HAGH: variants seen among roughly 807,000 people sequenced by gnomAD.
HAGH encodes the protein hydroxyacylglutathione hydrolase.
A neutral mutation model predicts 35.1 loss-of-function variants in HAGH; 29 were observed. That is an observed-to-expected ratio of 0.83 (90% CI 0.62 to 1.13). The LOEUF (loss-of-function observed/expected upper bound fraction) is 1.13, where lower values mean the gene tolerates loss of function less well. Among genes scored for constraint, HAGH ranks in the 50% most tolerant of loss-of-function variants. The probability of loss-of-function intolerance (pLI) is 0.00; values close to 1 mark genes in which losing one functional copy is unlikely to be tolerated. For missense variants in HAGH, 478 were observed against 419.6 expected (o/e 1.14, Z -1.22); for synonymous variants, 225 against 176.1 (o/e 1.28, Z -2.20).
chr16:1,822,340 C>T lies in HAGH; in HGVS notation c.274G>A (p.Gly92Arg), dbSNP rs371060768. 52 of 1,611,684 alleles carry T rather than the reference C, an allele frequency of 3.2e-5. No homozygotes were observed. Among genetic ancestry groups the T allele is most frequent in the South Asian group, 9.9e-5 (9 of 91,052 alleles). Reference sequence around the variant, plus strand: ...GTGAGCACTGTGGTCAGTTTCACCCCGTGCTTTCTCGCCGCGTCCACGACC... The same window carrying T: ...GTGAGCACTGTGGTCAGTTTCACCCTGTGCTTTCTCGCCGCGTCCACGACC... ...QKVVDAARKH[G>R]VKLTTVLTTH... The change falls in exon 3 of 9, where the codon GGG becomes AGG. Residue 92 changes from glycine (G) to arginine (R), a missense_variant. Coordinates refer to ENST00000397356, the MANE Select transcript of HAGH (RefSeq NM_005326.6).
chr16:1,823,354 G>A (rs149159), intron 1 of HAGH, among the ~76,000 whole-genome samples: 9,581 of 149,394 alleles, frequency 0.064, 445 homozygotes, highest in Middle Eastern at 0.11. Context: ...TGCAAGCTCC[G>A]CCTCCCAGGT....
chr16:1,809,679 C>A lies in HAGH; in HGVS notation c.827+75G>T, dbSNP rs1897549578. On this transcript the variant is annotated intron_variant, in intron 8 of 8. Coordinates refer to ENST00000397356, the MANE Select transcript of HAGH (RefSeq NM_005326.6). ...AGCCTCAGCCATCTGGGGTCTCGGA[C>A]GTACCGGCTGTGTGTGCAGCAGTGG... The A allele has an allele frequency of 5.5e-6, 6 of 1,081,200 alleles. No individual in the cohort carries two copies. The East Asian group carries it at 1.4e-4, about 26-fold the overall frequency. The allele number at this position is 1,081,200 out of a possible 1,614,324, so 67.0% of individuals were successfully genotyped here.
intron 1 of HAGH, among the ~76,000 whole-genome samples, chr16:1,823,274 T>TC: frequency 1.0e-5 from 1 of 97,486 alleles, no homozygotes; most frequent in South Asian, 2.9e-4. Context: ...TTTTTTTTTT[T>TC]CTTTTTTTTT....
chr16:1,825,676 C>G (rs2142055463), intron 1 of HAGH, among the ~76,000 whole-genome samples: 1 of 152,252 alleles, frequency 6.6e-6, no homozygotes, highest in South Asian at 2.1e-4. Context: ...TGGACTCAAG[C>G]GATCCTCCCA....
chr16:1,822,618 A>G (rs1898201739), intron 2 of HAGH, among the ~76,000 whole-genome samples: 1 of 152,158 alleles, frequency 6.6e-6, no homozygotes. Context: ...CCACCCCCAG[A>G]GGCAGCATGC....
At chr16:1,827,144 GAC>G, upstream of HAGH, 1 of 1,496,516 alleles carries the variant, frequency 6.7e-7, no homozygotes, top group Non-Finnish European at 9.0e-7. Flanking sequence ...CGCTGCGGGG[GAC>G]AGCGTTCCGA....
chr16:1,819,942 A>C lies in HAGH; in HGVS notation c.387T>G (p.Arg129=), dbSNP rs1206464994. 3.7e-6 allele frequency: 6 copies of C among 1,613,040 alleles called. No homozygotes were observed. Among genetic ancestry groups the C allele is most frequent in the Non-Finnish European group, 5.1e-6 (6 of 1,179,488 alleles). Residue 129 remains arginine (R), a synonymous_variant, in exon 4 of 9, where the codon CGT becomes CGG. Transcript: ENST00000397356. The part of the protein sequence containing the change: ...SGLKVYGGDD[R]IGALTHKITH... ...TGATCTTGTGAGTCAGGGCCCCGAT[A>C]CGGTCGTCACCCCCGTACACCTTCA...
chr16:1,814,958 T>C (rs56347514), intron 7 of HAGH, among the ~76,000 whole-genome samples: 2,303 of 78,488 alleles, frequency 0.029, 44 homozygotes, highest in Admixed American at 0.093. Context: ...CACACACACA[T>C]ATATATATAT....
At chr16:1,818,733 G>C (rs1898016546) in intron 5 of HAGH, 3 of 189,424 alleles carry the variant, frequency 1.6e-5, no homozygotes, top group African/African-American at 7.0e-5. Flanking sequence ...ACCACCCTGG[G>C]AGGCAGGCAG....
upstream of HAGH, chr16:1,827,119 G>T: frequency 7.1e-7 from 1 of 1,410,782 alleles, no homozygotes; most frequent in East Asian, 2.4e-5. Flanking sequence ...CAGATCGCGA[G>T]GTGGAACGGG....
chr16:1,820,651 G>T (rs947765161), intron 3 of HAGH, among the ~76,000 whole-genome samples: 1 of 152,150 alleles, frequency 6.6e-6, no homozygotes, highest in African/African-American at 2.4e-5. Flanking sequence ...TTCAGAAAGG[G>T]GCGGTTGAAG....
intron 5 of HAGH, among the ~76,000 whole-genome samples, chr16:1,818,229 G>A (rs926313127): frequency 3.0e-4 from 45 of 152,136 alleles, no homozygotes; most frequent in Non-Finnish European, 1.3e-4. Flanking sequence ...CGTGCTCGCT[G>A]CCCTGAGAAG....
chr16:1,821,258 T>A (rs1043219279), intron 3 of HAGH, among the ~76,000 whole-genome samples: 1 of 152,128 alleles, frequency 6.6e-6, no homozygotes, highest in Non-Finnish European at 1.5e-5. Context: ...CCTGAGACTC[T>A]CCAGGCCTAA....
intron 3 of HAGH, among the ~76,000 whole-genome samples, chr16:1,821,123 G>A (rs969629399): frequency 2.6e-5 from 4 of 152,182 alleles, no homozygotes; most frequent in African/African-American, 9.7e-5. Context: ...AACGTGCTGA[G>A]AGACAGCAGC....
chr16:1,816,960 T>C lies in HAGH; in HGVS notation c.680A>G (p.Asn227Ser). 2.5e-6 allele frequency: 4 copies of C among 1,613,176 alleles called. No individual in the cohort carries two copies. Among genetic ancestry groups the C allele is most frequent in the East Asian group, 2.2e-5 (1 of 44,830 alleles). Residue 227 changes from asparagine (N) to serine (S), a missense_variant, in exon 7 of 9, where the codon AAC (asparagine) becomes AGC (serine). Asn to Ser is a conservative substitution (Grantham distance 46, BLOSUM62 1). Transcript: ENST00000397356. Reference sequence around the variant, plus strand: ...CTCCACGTGGCGTGCAAACTTGAGGTTGTTGATGGTGTACTCGTGGCCACA... The same window carrying C: ...CTCCACGTGGCGTGCAAACTTGAGGCTGTTGATGGTGTACTCGTGGCCACA... ...VYCGHEYTIN[N>S]LKFARHVEPG...
At chr16:1,809,993 G>C in intron 7 of HAGH, 160 bp from the exon 8 acceptor site, 1 of 614,638 alleles carries the variant, frequency 1.6e-6, no homozygotes, top group East Asian at 2.8e-5. Context: ...GCGAGACCCT[G>C]TGTCTACTAA....
intron 7 of HAGH, 195 bp from the exon 8 acceptor site, chr16:1,810,028 G>C: frequency 1.7e-6 from 1 of 583,474 alleles, no homozygotes; most frequent in Non-Finnish European, 3.1e-6. Context: ...AGCCAGGCAT[G>C]GTGGCAGGCA....
intron 1 of HAGH, 57 bp downstream of exon 1, chr16:1,826,655 C>A: frequency 1.0e-6 from 1 of 965,076 alleles, no homozygotes; most frequent in South Asian, 4.6e-5. Flanking sequence ...CGGCGCCGCC[C>A]GCTGCCCGCC....
At chr16:1,813,331 G>A (rs761824616) in intron 7 of HAGH, among the ~76,000 whole-genome samples, 21 of 152,100 alleles carry the variant, frequency 1.4e-4, no homozygotes, top group Non-Finnish European at 2.5e-4. Flanking sequence ...AGGTGCAGAC[G>A]CCCAGGCCAT....
Sources: gnomAD v4.1 joint callset for allele counts (sites outside exome capture counted in the v4.1 genomes callset) on GRCh38, gnomAD v4.1.1 for gene constraint, MANE v1.5 for transcripts, NCBI Gene and HGNC (gene_info 2026-07-23, HGNC 2026-07-21) for gene names.